MYRIP: variants seen among roughly 807,000 people sequenced by gnomAD.
The protein encoded by MYRIP is myosin VIIA and Rab interacting protein.
In MYRIP, 49 loss-of-function variants were observed where a neutral mutation model predicts 98.0. The observed-to-expected ratio is 0.50, with a 90% CI of 0.40 to 0.63. The LOEUF (loss-of-function observed/expected upper bound fraction) is 0.63. Ranked by LOEUF, MYRIP falls within the 30% of genes least tolerant of loss-of-function variation. The pLI is 0.00. For missense variants in MYRIP, 1,004 were observed against 1,058.2 expected, an observed-to-expected ratio of 0.95 and a Z score of 0.71; for synonymous variants, 404 against 409.5, an observed-to-expected ratio of 0.99 and a Z score of 0.16.
chr3:39,830,543 C>T (rs1439989709), intron 1 of MYRIP, among the ~76,000 whole-genome samples: 2 of 152,210 alleles, frequency 1.3e-5, no homozygotes, highest in Non-Finnish European at 2.9e-5. Flanking sequence ...GAGGAACTTT[C>T]ACAGGCCTGC....
chr3:40,083,196 G>A (rs753829783), intron 3 of MYRIP, among the ~76,000 whole-genome samples: 1 of 152,194 alleles, frequency 6.6e-6, no homozygotes, highest in Non-Finnish European at 1.5e-5. Flanking sequence ...GCCTAGAGAA[G>A]GAACAAACAG....
chr3:40,022,856 A>T (rs570264147), intron 2 of MYRIP, among the ~76,000 whole-genome samples: 20 of 152,312 alleles, frequency 1.3e-4, no homozygotes, highest in Admixed American at 1.1e-3. Flanking sequence ...TACATGTATT[A>T]TTAGATATTT....
chr3:40,243,400 T>TAAAAAAA (rs10655936), intron 12 of MYRIP, among the ~76,000 whole-genome samples: 3 of 135,144 alleles, frequency 2.2e-5, no homozygotes, highest in Non-Finnish European at 3.1e-5. Context: ...TCACTAAGTG[T>TAAAAAAA]AAAAAAAAAA....
At chr3:39,990,364 G>A (rs556562609) in intron 2 of MYRIP, among the ~76,000 whole-genome samples, 16 of 152,254 alleles carry the variant, frequency 1.1e-4, no homozygotes, top group South Asian at 6.2e-4. Flanking sequence ...TGCAGGATTC[G>A]CATGCTGTTA....
At chr3:40,171,838 A>C (rs767091464) in intron 8 of MYRIP, among the ~76,000 whole-genome samples, 14 of 152,260 alleles carry the variant, frequency 9.2e-5, no homozygotes, top group Non-Finnish European at 1.6e-4. Flanking sequence ...TAATAAAGAC[A>C]TACCCAATAG....
At position 40,219,697 on chromosome 3, in the gene MYRIP, G is replaced by C. The variant is rs539718088; in HGVS notation, c.1905+9604G>C. On this transcript the variant is annotated intron_variant, in intron 11 of 16. Coordinates refer to ENST00000302541, the MANE Select transcript of MYRIP (RefSeq NM_015460.4). ...TTTTATGGCTGCATAGTATTCCATG[G>C]TGTATATGTGCCACATTTTCTTAAT... 2.0e-3 allele frequency among the ~76,000 whole-genome samples: 299 copies of C among 152,212 alleles called. 1 individual carries two copies. The highest frequency in any genetic ancestry group is 6.9e-3 in the African/African-American group (288 of 41,468).
intron 10 of MYRIP, among the ~76,000 whole-genome samples, chr3:40,199,161 C>T (rs556056831): frequency 6.6e-6 from 1 of 152,280 alleles, no homozygotes; most frequent in Admixed American, 6.5e-5. Flanking sequence ...ATGCTGCTTT[C>T]GGAGCTGAAA....
In MYRIP at chr3:40,204,023, TTA is replaced by T. The variant is rs1951686894; in HGVS notation, c.1666-5823_1666-5822del. ...TATTATATATTATATATAATATATA[TTA>T]TATATATTATATATTATATATAATA... On this transcript the variant is annotated intron_variant, in intron 10 of 16. Transcript: ENST00000302541. Among the ~76,000 whole-genome samples the T allele has an allele frequency of 4.6e-4, 3 of 6,550 alleles. 1 individual carries two copies. In the East Asian group the frequency reaches 0.031, roughly 67 times the overall value. 4.3% of individuals were successfully genotyped at this position (6,550 alleles called of 152,430 possible).
intron 2 of MYRIP, among the ~76,000 whole-genome samples, chr3:39,996,587 G>A (rs1946363594): frequency 6.6e-6 from 1 of 152,132 alleles, no homozygotes. Flanking sequence ...AATAATGGGA[G>A]ACTTTAACAC....
At chr3:40,149,068 A>C (rs1039836683) in intron 3 of MYRIP, among the ~76,000 whole-genome samples, 1 of 152,192 alleles carries the variant, frequency 6.6e-6, no homozygotes, top group African/African-American at 2.4e-5. Context: ...CTTCCGTATT[A>C]GTCCATTTGT....
intron 8 of MYRIP, among the ~76,000 whole-genome samples, chr3:40,177,128 C>T (rs578215044): frequency 5.7e-4 from 86 of 151,966 alleles, no homozygotes; most frequent in South Asian, 3.5e-3. Context: ...AACCTGGACA[C>T]GAACCAATGG....
intron 2 of MYRIP, among the ~76,000 whole-genome samples, chr3:39,939,536 C>CAGTGAA (rs1361457536): frequency 1.3e-5 from 2 of 152,084 alleles, no homozygotes; most frequent in Non-Finnish European, 2.9e-5. Context: ...AAAGGCCTAA[C>CAGTGAA]AGTGATTGTC....
intron 1 of MYRIP, among the ~76,000 whole-genome samples, chr3:39,862,032 TGTA>T (rs1474875661): frequency 6.6e-6 from 1 of 151,930 alleles, no homozygotes; most frequent in Non-Finnish European, 1.5e-5. Flanking sequence ...CCCCAAGACA[TGTA>T]GTTATCAGAT....
At chr3:40,109,619 A>C (rs1714417) in intron 3 of MYRIP, among the ~76,000 whole-genome samples, 120,403 of 152,066 alleles carry the variant, frequency 0.79, 47,910 homozygotes, top group Admixed American at 0.85. Flanking sequence ...GGGAAGGTTG[A>C]TGTTGGGAAG....
At chr3:40,200,958 A>C (rs541418039) in intron 10 of MYRIP, among the ~76,000 whole-genome samples, 32 of 152,292 alleles carry the variant, frequency 2.1e-4, no homozygotes, top group Middle Eastern at 3.4e-3. Flanking sequence ...AGTGAAACCC[A>C]CTGTTAGTGC....
intron 3 of MYRIP, among the ~76,000 whole-genome samples, chr3:40,118,724 G>C (rs1949333804): frequency 6.6e-6 from 1 of 151,820 alleles, no homozygotes; most frequent in Non-Finnish European, 1.5e-5. Context: ...TTTACATTAG[G>C]TATATCTCCT....
chr3:40,213,197 T>C (rs759426861), intron 11 of MYRIP, among the ~76,000 whole-genome samples: 1 of 152,204 alleles, frequency 6.6e-6, no homozygotes, highest in Admixed American at 6.5e-5. Flanking sequence ...TGCTTTTTAA[T>C]TGATCCCTAG....
intron 3 of MYRIP, among the ~76,000 whole-genome samples, chr3:40,081,999 A>G (rs1306264172): frequency 1.3e-5 from 2 of 152,152 alleles, no homozygotes; most frequent in African/African-American, 4.8e-5. Context: ...AAATGACAAA[A>G]TTCCCTTCTT....
At position 39,931,659 on chromosome 3, in the gene MYRIP, G is replaced by A. The variant is rs369892740; in HGVS notation, c.110+30733G>A. Among the ~76,000 whole-genome samples, 113 of 152,160 alleles carry A rather than the reference G, an allele frequency of 7.4e-4. 1 individual carries two copies. In the South Asian group the frequency reaches 0.021, roughly 29 times the overall value. ...ATTTTAACTGTGATTTTTCATATATGCCTTCTATCAGGTTGAGAAAGTTCC... is the reference window on the plus strand; with the variant it reads ...ATTTTAACTGTGATTTTTCATATATACCTTCTATCAGGTTGAGAAAGTTCC... On this transcript the variant is annotated intron_variant, in intron 2 of 16. Transcript: ENST00000302541.
Sources: gnomAD v4.1 joint callset for allele counts (sites outside exome capture counted in the v4.1 genomes callset) on GRCh38, gnomAD v4.1.1 for gene constraint, MANE v1.5 for transcripts, NCBI Gene and HGNC (gene_info 2026-07-23, HGNC 2026-07-21) for gene names.